Variants in MRTFB observed in about 807,000 individuals in gnomAD.
MRTFB encodes the protein myocardin-related transcription factor B.
A neutral mutation model predicts 104.2 loss-of-function variants in MRTFB; 29 were observed. The observed-to-expected ratio is 0.28, with a 90% CI of 0.21 to 0.38. The LOEUF is 0.38. Ranked by LOEUF, MRTFB falls within the 10% of genes least tolerant of loss-of-function variation. The pLI, the probability that MRTFB is intolerant of heterozygous loss-of-function variation, is 1.00. For synonymous variants in MRTFB, 535 were observed against 519.5 expected, an observed-to-expected ratio of 1.03 and a Z score of -0.41; for missense variants, 1,270 against 1,341.6, an observed-to-expected ratio of 0.95 and a Z score of 0.83.
At chr16:14,208,136 C>A (rs1227986759) in intron 3 of MRTFB, among the ~76,000 whole-genome samples, 3 of 152,178 alleles carry the variant, frequency 2.0e-5, no homozygotes, top group Non-Finnish European at 4.4e-5. Flanking sequence ...CTCATGGTAG[C>A]AGGTACCTTT....
chr16:14,191,845 G>T (rs1211943676), intron 3 of MRTFB: 1 of 152,034 alleles, frequency 6.6e-6, no homozygotes, highest in African/African-American at 2.4e-5. Context: ...GTTATTTATT[G>T]TTTGATTTTT....
At chr16:14,003,636 GCCTGCCTCCCTCCCTC>G in the MRTFB span, among the ~76,000 whole-genome samples, 28 of 31,568 alleles carry the variant, frequency 8.9e-4, no homozygotes, top group South Asian at 3.6e-3. Flanking sequence ...CTGCCTGCCT[GCCTGCCTCCCTCCCTC>G]CCTCCCTCCC....
At chr16:14,111,739 G>A (rs1194740205) in intron 2 of MRTFB, among the ~76,000 whole-genome samples, 6 of 152,176 alleles carry the variant, frequency 3.9e-5, no homozygotes, top group African/African-American at 1.4e-4. Flanking sequence ...GAGAGGTGTT[G>A]TGTCCATTCA....
At chr16:13,995,863 C>G in the MRTFB span, among the ~76,000 whole-genome samples, 1 of 152,096 alleles carries the variant, frequency 6.6e-6, no homozygotes, top group Non-Finnish European at 1.5e-5. Flanking sequence ...CCTCCAGACC[C>G]CTCCCTCCAT....
chr16:14,035,918 G>T, the MRTFB span, among the ~76,000 whole-genome samples: 1 of 151,164 alleles, frequency 6.6e-6, no homozygotes, highest in Non-Finnish European at 1.5e-5. Context: ...CCACTGTGTC[G>T]TTCTTATGCC....
At chr16:14,138,711 C>T (rs558456124) in intron 2 of MRTFB, among the ~76,000 whole-genome samples, 2 of 152,060 alleles carry the variant, frequency 1.3e-5, no homozygotes, top group Non-Finnish European at 2.9e-5. Context: ...TACACCTGCC[C>T]CCCACCCCAC....
At chr16:14,225,557 A>G (rs1047848550) in intron 8 of MRTFB, among the ~76,000 whole-genome samples, 1 of 152,224 alleles carries the variant, frequency 6.6e-6, no homozygotes. Flanking sequence ...GGCCAAAGAA[A>G]GAGGCTGACA....
rs143672148 is a variant in MRTFB, at chr16:14,073,819, A to G, written c.-129+2454A>G. 9.5e-4 allele frequency among the ~76,000 whole-genome samples: 144 copies of G among 152,350 alleles called. 1 individual carries two copies. The highest frequency in any genetic ancestry group is 7.0e-3 in the Admixed American group (107 of 15,300). On this transcript the variant is annotated intron_variant, in intron 1 of 16. Coordinates refer to ENST00000571589, the MANE Select transcript of MRTFB (RefSeq NM_001308142.2). Reference sequence around the variant, plus strand: ...AATTTGGAAAATGCAGATGTATTCAAAGGTAAAACTTAAAATTACCTGTAA... The same window carrying G: ...AATTTGGAAAATGCAGATGTATTCAGAGGTAAAACTTAAAATTACCTGTAA...
At chr16:14,248,727 G>A (rs913420899) in intron 12 of MRTFB, 199 bp from the exon 13 acceptor site, 5 of 528,256 alleles carry the variant, frequency 9.5e-6, no homozygotes, top group African/African-American at 3.9e-5. Context: ...AGAGCATGCA[G>A]TGACTGGTCT....
upstream of MRTFB, among the ~76,000 whole-genome samples, chr16:14,070,966 T>G (rs745944927): frequency 6.6e-6 from 1 of 152,202 alleles, no homozygotes; most frequent in Non-Finnish European, 1.5e-5. Flanking sequence ...GGCTGTTAAG[T>G]GCTCGGCGCG....
intron 10 of MRTFB, among the ~76,000 whole-genome samples, chr16:14,242,007 AATAATG>A (rs1347734529): frequency 5.9e-5 from 8 of 135,986 alleles, no homozygotes; most frequent in Non-Finnish European, 9.2e-5. Context: ...TAATAATAAT[AATAATG>A]GTAATGATGT....
chr16:14,065,459 C>T, the MRTFB span, among the ~76,000 whole-genome samples: 1 of 152,144 alleles, frequency 6.6e-6, no homozygotes, highest in Admixed American at 6.5e-5. Context: ...ATTTCTTTCT[C>T]TTGCCTGATT....
At chr16:14,123,724 T>G (rs2036967127) in intron 2 of MRTFB, among the ~76,000 whole-genome samples, 1 of 152,206 alleles carries the variant, frequency 6.6e-6, no homozygotes, top group Non-Finnish European at 1.5e-5. Flanking sequence ...TTTGTTCTTT[T>G]TGCTTAGGAT....
chr16:14,150,823 A>G (rs2038576685), intron 3 of MRTFB: 1 of 152,240 alleles, frequency 6.6e-6, no homozygotes, highest in Admixed American at 6.5e-5. Context: ...TATGGTACAT[A>G]TCAAGCAATT....
chr16:14,022,585 C>G, the MRTFB span, among the ~76,000 whole-genome samples: 1 of 152,094 alleles, frequency 6.6e-6, no homozygotes, highest in East Asian at 1.9e-4. Context: ...TTAGTAAAGA[C>G]AGGGTTTCAC....
chr16:14,169,899 T>C (rs1018749303), intron 3 of MRTFB, among the ~76,000 whole-genome samples: 4 of 152,134 alleles, frequency 2.6e-5, no homozygotes, highest in Admixed American at 2.6e-4. Flanking sequence ...TAAAGAAATT[T>C]TAACATACAA....
chr16:14,037,535 C>T, the MRTFB span, among the ~76,000 whole-genome samples: 3 of 152,128 alleles, frequency 2.0e-5, no homozygotes, highest in African/African-American at 7.2e-5. Context: ...ACTTGTTTTA[C>T]TCTGTATAAC....
intron 3 of MRTFB, among the ~76,000 whole-genome samples, chr16:14,203,398 A>C (rs140498225): frequency 2.6e-5 from 4 of 152,104 alleles, no homozygotes; most frequent in Admixed American, 2.6e-4. Context: ...ACAGTCCTCT[A>C]TGTCCCACTG....
chr16:14,176,108 T>C (rs967098012), intron 3 of MRTFB, among the ~76,000 whole-genome samples: 2 of 152,174 alleles, frequency 1.3e-5, no homozygotes, highest in African/African-American at 2.4e-5. Context: ...CTCAGCAAAA[T>C]TGATTTTGAG....
Sources: gnomAD v4.1 joint callset for allele counts (sites outside exome capture counted in the v4.1 genomes callset) on GRCh38, gnomAD v4.1.1 for gene constraint, MANE v1.5 for transcripts, NCBI Gene and HGNC (gene_info 2026-07-23, HGNC 2026-07-21) for gene names.